The following GALNT10 variants were observed in gnomAD, a reference collection of about 807,000 sequenced individuals.
The protein encoded by GALNT10 is polypeptide N-acetylgalactosaminyltransferase 10.
Under a neutral mutation model 75.0 loss-of-function variants are expected in GALNT10, and 41 were observed. That is an observed-to-expected ratio of 0.55 (90% CI 0.43 to 0.71). GALNT10 has a LOEUF of 0.71. Among genes scored for constraint, GALNT10 ranks in the 30% least tolerant of loss-of-function variants. The pLI, the probability that GALNT10 is intolerant of heterozygous loss-of-function variation, is 0.00. For synonymous variants in GALNT10, 302 were observed against 313.0 expected (o/e 0.96, Z 0.37); for missense variants, 727 against 818.5 (o/e 0.89, Z 1.36).
At chr5:154,226,191 T>C (rs1753062349) in intron 1 of GALNT10, among the ~76,000 whole-genome samples, 1 of 152,110 alleles carries the variant, frequency 6.6e-6, no homozygotes, top group African/African-American at 2.4e-5. Flanking sequence ...AATTAATTAA[T>C]TTTTTATAGC....
intron 1 of GALNT10, among the ~76,000 whole-genome samples, chr5:154,197,333 C>G (rs1459916734): frequency 6.6e-6 from 1 of 152,188 alleles, no homozygotes; most frequent in African/African-American, 2.4e-5. Context: ...AAAAGAACTT[C>G]TGTCTCTGCA....
At chr5:154,255,283 T>C (rs911627168) in intron 1 of GALNT10, among the ~76,000 whole-genome samples, 4 of 152,034 alleles carry the variant, frequency 2.6e-5, no homozygotes, top group African/African-American at 9.7e-5. Flanking sequence ...CTCAATTATG[T>C]GAGGGAAATC....
chr5:154,370,744 A>C (rs1755551105), intron 4 of GALNT10, among the ~76,000 whole-genome samples: 1 of 152,198 alleles, frequency 6.6e-6, no homozygotes, highest in South Asian at 2.1e-4. Flanking sequence ...AAGGGTTTAA[A>C]TTTAAGCAGG....
rs1455920152 is a variant in GALNT10 at position 154,352,291 on chromosome 5, C to T, written c.568+22553C>T. On this transcript the variant is annotated intron_variant, in intron 4 of 11. Transcript: ENST00000297107. The surrounding 1 kb of genome is among the most constrained non-coding windows in gnomAD (Gnocchi z 4.4). Reference sequence around the variant, plus strand: ...CTTCCACACCCCAAACTCAACACGGCCCACTGGTGGGAATAACTGAGTGCT... The same window carrying T: ...CTTCCACACCCCAAACTCAACACGGTCCACTGGTGGGAATAACTGAGTGCT... Among the ~76,000 whole-genome samples the T allele has an allele frequency of 6.6e-6, 1 of 152,218 alleles. No homozygotes were observed. Among genetic ancestry groups the T allele is most frequent in the Non-Finnish European group, 1.5e-5 (1 of 68,040 alleles).
At chr5:154,411,267 C>G (rs1455785398) in intron 9 of GALNT10, among the ~76,000 whole-genome samples, 4 of 152,220 alleles carry the variant, frequency 2.6e-5, no homozygotes, top group African/African-American at 9.6e-5. Flanking sequence ...TCCTGCTGAA[C>G]TCATGTTCCT....
intron 7 of GALNT10, chr5:154,392,386 C>T (rs894302666): frequency 1.3e-5 from 2 of 152,298 alleles, no homozygotes; most frequent in Admixed American, 6.5e-5. Context: ...GGCATCACTT[C>T]CAACTGATAT....
intron 1 of GALNT10, among the ~76,000 whole-genome samples, chr5:154,233,919 TG>T (rs1345018561): frequency 3.3e-5 from 5 of 152,180 alleles, no homozygotes; most frequent in Non-Finnish European, 5.9e-5. Context: ...CCAGATGTCC[TG>T]AGCTATGGTG....
chr5:154,329,618 AT>A lies in GALNT10; in HGVS notation c.449del (p.Ile150ThrfsTer43). ...YLETLPNTSI[I>X]IPFHNEGWSS... The stretch of plus-strand genomic sequence containing the variant: ...GGAGACACTTCCCAACACAAGCATC[AT>A]CATCCCCTTCCACAACGAGGGCTGG... On this transcript the variant is annotated frameshift_variant, in exon 4 of 12. Transcript: ENST00000297107. LOFTEE classifies it high-confidence loss of function. 1 of 1,613,906 alleles carries A rather than the reference AT, an allele frequency of 6.2e-7. No individual in the cohort carries two copies.
intron 3 of GALNT10, among the ~76,000 whole-genome samples, chr5:154,304,343 C>A (rs963446829): frequency 6.6e-6 from 1 of 151,736 alleles, no homozygotes; most frequent in Non-Finnish European, 1.5e-5. Flanking sequence ...TACTAAAAAA[C>A]CAGTGATGAA....
chr5:154,276,804 A>T (rs954096071), intron 1 of GALNT10, among the ~76,000 whole-genome samples: 2 of 152,154 alleles, frequency 1.3e-5, no homozygotes, highest in African/African-American at 4.8e-5. Flanking sequence ...TGGAAGGGAG[A>T]TTATTTTGTA....
intron 1 of GALNT10, among the ~76,000 whole-genome samples, chr5:154,198,417 A>G (rs921348597): frequency 1.3e-5 from 2 of 152,198 alleles, no homozygotes; most frequent in African/African-American, 4.8e-5. Context: ...CAGGGACTCA[A>G]TTCTCTGTGG....
chr5:154,401,719 G>T (rs1441683086), intron 7 of GALNT10, among the ~76,000 whole-genome samples: 1 of 152,148 alleles, frequency 6.6e-6, no homozygotes, highest in African/African-American at 2.4e-5. Context: ...GAGTACATCA[G>T]GGCTGGGGAT....
At chr5:154,348,507 A>G (rs1755161354) in intron 4 of GALNT10, among the ~76,000 whole-genome samples, 1 of 152,194 alleles carries the variant, frequency 6.6e-6, no homozygotes, top group African/African-American at 2.4e-5. Flanking sequence ...CTTTGTGTAG[A>G]GGGGTAGGGA....
intron 1 of GALNT10, among the ~76,000 whole-genome samples, chr5:154,202,601 ACT>A (rs889393683): frequency 6.6e-6 from 1 of 151,666 alleles, no homozygotes; most frequent in African/African-American, 2.4e-5. Flanking sequence ...CAGATTTCTG[ACT>A]CTCCAACTTG....
At chr5:154,290,156 A>G (rs1274571060) in intron 1 of GALNT10, among the ~76,000 whole-genome samples, 1 of 150,942 alleles carries the variant, frequency 6.6e-6, no homozygotes, top group Non-Finnish European at 1.5e-5. Context: ...CAGTTGCACA[A>G]TCGCGGCTCA....
chr5:154,332,403 T>G (rs1441256376), intron 4 of GALNT10, among the ~76,000 whole-genome samples: 1 of 152,126 alleles, frequency 6.6e-6, no homozygotes, highest in Admixed American at 6.5e-5. Context: ...GCACACACCA[T>G]GCTCTGTCCT....
In GALNT10 at chr5:154,420,465, C is replaced by G. The variant is rs957071389; in HGVS notation, c.*3493C>G. ...ATCAGAGTCTCTGCTTCAGCGATAT[C>G]TAGTTTGTACAGTTGGGTGATCTTT... On this transcript the variant is annotated 3_prime_UTR_variant, in exon 12 of 12. Coordinates refer to ENST00000297107, the MANE Select transcript of GALNT10 (RefSeq NM_198321.4). 1 of 152,166 alleles carries G rather than the reference C, an allele frequency of 6.6e-6. No homozygotes were observed. Among genetic ancestry groups the G allele is most frequent in the African/African-American group, 2.4e-5 (1 of 41,414 alleles). 9.4% of individuals were successfully genotyped at this position (152,166 alleles called of 1,614,324 possible).
chr5:154,192,295 C>T (rs980952457), intron 1 of GALNT10, among the ~76,000 whole-genome samples: 1 of 152,228 alleles, frequency 6.6e-6, no homozygotes. Flanking sequence ...TGCAAAGCAT[C>T]CCAGAGGGTC....
In GALNT10 at chr5:154,272,840, T is replaced by C. The variant is rs564502865; in HGVS notation, c.160-21976T>C. Among the ~76,000 whole-genome samples the C allele has an allele frequency of 8.9e-4, 135 of 152,238 alleles. 1 individual carries two copies. Among genetic ancestry groups the C allele is most frequent in the African/African-American group, 3.1e-3 (128 of 41,536 alleles). ...GAAAGAGGCTCGGAGTGCTCTGTCT[T>C]ATATGTACTCTTTTTTTACAGACAG... On this transcript the variant is annotated intron_variant, in intron 1 of 11. Transcript: ENST00000297107.
Sources: allele counts gnomAD v4.1 joint callset (sites outside exome capture counted in the v4.1 genomes callset), GRCh38; gene constraint gnomAD v4.1.1; non-coding constraint Gnocchi (gnomAD v3.1); transcripts MANE v1.5; gene names NCBI Gene and HGNC (gene_info 2026-07-23, HGNC 2026-07-21).